Variants in ZAN observed in about 807,000 individuals in gnomAD.
ZAN encodes the protein zonadhesin, also known as zonadhesin (gene/pseudogene).
A neutral mutation model predicts 286.2 loss-of-function variants in ZAN; 260 were observed. The ratio of observed to expected loss-of-function variants is 0.91; its 90% confidence interval spans 0.82 to 1.01. ZAN has a LOEUF of 1.01. Among genes scored for constraint, ZAN ranks in the 50% least tolerant of loss-of-function variants. The pLI, the probability that ZAN is intolerant of heterozygous loss-of-function variation, is 0.00. For synonymous variants in ZAN, 1,368 were observed against 1,417.5 expected (o/e 0.97, Z 0.79); for missense variants, 3,410 against 3,639.2 (o/e 0.94, Z 1.62).
chr7:100,778,901 C>T (rs1811000431), intron 34 of ZAN, among the ~76,000 whole-genome samples: 2 of 152,076 alleles, frequency 1.3e-5, no homozygotes, highest in South Asian at 2.1e-4. Context: ...GTCATGGTGG[C>T]GGGTGCCTGT....
rs766977447 is a variant in ZAN, at chr7:100,758,263, G to A, written c.3371G>A (p.Arg1124Gln). ...CATTGCCGCTGCTGGCCCGGCAGTC[G>A]GGTCGAGTGCCAGATCTCTCAGTGT... ...TEHCRCWPGS[R>Q]VECQISQCGT... Residue 1124 changes from arginine to glutamine, a missense_variant, in exon 16 of 48, where the codon CGG (arginine) becomes CAG (glutamine). Arg to Gln is a conservative substitution (Grantham distance 43). This residue lies in a region of ZAN where 1,042 missense variants were observed against 1,058.0 expected (regional missense o/e 0.98). Coordinates refer to ENST00000613979, the MANE Select transcript of ZAN (RefSeq NM_003386.3). 1.2e-6 allele frequency: 2 copies of A among 1,613,262 alleles called. No individual in the cohort carries two copies. The highest frequency in any genetic ancestry group is 1.3e-5 in the African/African-American group (1 of 74,920).
In ZAN at chr7:100,783,805, C is replaced by CATATATATATATACACAT. The variant is rs1491186199; in HGVS notation, c.6623-807_6623-806insTACACATATATATATATA. On this transcript the variant is annotated intron_variant, in intron 35 of 47. Coordinates refer to ENST00000613979, the MANE Select transcript of ZAN (RefSeq NM_003386.3). ...ATATACACATATATATATATACACA[C>CATATATATATATACACAT]ATATATATATACATATATATATATG... 4.7e-3 allele frequency among the ~76,000 whole-genome samples: 107 copies of CATATATATATATACACAT among 22,694 alleles called. 9 individuals are homozygous for CATATATATATATACACAT. The highest frequency in any genetic ancestry group is 0.011 in the Non-Finnish European group (80 of 7,250). 14.9% of individuals were successfully genotyped at this position (22,694 alleles called of 152,430 possible). A position where few individuals can be genotyped will look rare whatever the true frequency, so the allele number is the denominator to read the frequency against.
intron 11 of ZAN, 119 bp downstream of exon 11, chr7:100,748,589 G>C: frequency 7.3e-7 from 1 of 1,369,262 alleles, no homozygotes; most frequent in Non-Finnish European, 9.8e-7. Context: ...CAGTCCACAG[G>C]TGTTTTTTCG....
At chr7:100,756,834 T>C (rs1809182694) in intron 15 of ZAN, among the ~76,000 whole-genome samples, 1 of 152,120 alleles carries the variant, frequency 6.6e-6, no homozygotes, top group Non-Finnish European at 1.5e-5. Flanking sequence ...AATGGTGCCA[T>C]CTCCGCTCAC....
At chr7:100,746,832 G>T in intron 8 of ZAN, 130 bp downstream of exon 8, 2 of 1,168,998 alleles carry the variant, frequency 1.7e-6, no homozygotes, top group Non-Finnish European at 2.4e-6. Flanking sequence ...ATTCCATGAA[G>T]TGGAAATCAT....
intron 20 of ZAN, 139 bp downstream of exon 20, chr7:100,762,497 C>T: frequency 1.7e-6 from 2 of 1,162,874 alleles, no homozygotes; most frequent in South Asian, 1.7e-5. Flanking sequence ...GCGATCTCAG[C>T]TCACTGCAAC....
At position 100,769,785 on chromosome 7, in the gene ZAN, G is replaced by A. The variant is rs1275607545; in HGVS notation, c.5154-95G>A. On this transcript the variant is annotated intron_variant, in intron 27 of 47. Coordinates refer to ENST00000613979, the MANE Select transcript of ZAN (RefSeq NM_003386.3). ...TGGTCTTGAACTTCTGGTCTCAAGCGATCCTCCTGCCTTGGCTTCCCAAAG... is the reference window on the plus strand; with the variant it reads ...TGGTCTTGAACTTCTGGTCTCAAGCAATCCTCCTGCCTTGGCTTCCCAAAG... 5.4e-6 allele frequency: 6 copies of A among 1,102,348 alleles called. No homozygotes were observed. In the African/African-American group the frequency reaches 6.3e-5, roughly 12 times the overall value. 68.3% of individuals were successfully genotyped at this position (1,102,348 alleles called of 1,614,324 possible).
In ZAN at chr7:100,762,266, T is replaced by A. The variant is rs375280260; in HGVS notation, c.3894T>A (p.Ser1298Arg). The change falls in exon 20 of 48, where the codon AGT becomes AGA. Residue 1298 changes from serine to arginine, a missense_variant. Ser to Arg is a moderately radical substitution (Grantham distance 110, BLOSUM62 -1). Transcript: ENST00000613979. ...CGLCGNYDGN[S>R]DNDHLKLDGS... The stretch of plus-strand genomic sequence containing the variant: ...TGTGTGGGAACTATGACGGCAACAG[T>A]GACAATGACCACCTGAAGTTGGACG... 12 of 1,613,428 alleles carry A rather than the reference T, an allele frequency of 7.4e-6. No homozygotes were observed. The African/African-American group carries it at 1.6e-4, about 22-fold the overall frequency.
At chr7:100,755,122 C>T in intron 14 of ZAN, 104 bp from the exon 15 acceptor site, 2 of 1,346,150 alleles carry the variant, frequency 1.5e-6, no homozygotes, top group South Asian at 2.8e-5. Flanking sequence ...TAATATGGTC[C>T]TGTTTCCTAG....
At chr7:100,744,079 C>T (rs1808008755) in intron 7 of ZAN, among the ~76,000 whole-genome samples, 1 of 150,684 alleles carries the variant, frequency 6.6e-6, no homozygotes, top group South Asian at 2.1e-4. Context: ...TCCTCCCTTC[C>T]ACTTTACCAT....
Position 100,763,869 on chromosome 7 carries a change from G to C in ZAN, c.4050G>C (p.Ser1350=). The C allele has an allele frequency of 6.2e-7, 1 of 1,614,036 alleles. No homozygotes were observed. Among genetic ancestry groups the C allele is most frequent in the Non-Finnish European group, 8.5e-7 (1 of 1,179,906 alleles). The part of the protein sequence containing the change: ...SCDSSLQSSM[S]GPGFCGRLVD... The stretch of plus-strand genomic sequence containing the variant: ...ATTCATCTCTGCAGAGCAGCATGTC[G>C]GGGCCAGGGTTCTGTGGACGGCTGG... Residue 1350 remains serine (S), a synonymous_variant, in exon 21 of 48, where the codon TCG becomes TCC. Coordinates refer to ENST00000613979, the MANE Select transcript of ZAN (RefSeq NM_003386.3). The surrounding 1 kb of genome is among the most constrained non-coding windows in gnomAD (Gnocchi z 4.6).
intron 22 of ZAN, among the ~76,000 whole-genome samples, chr7:100,765,136 GTCTA>G (rs1357100861): frequency 2.0e-5 from 3 of 152,170 alleles, no homozygotes; most frequent in African/African-American, 7.2e-5. Context: ...CCCACCATAG[GTCTA>G]TCTAAGTCTC....
At chr7:100,746,897 C>T (rs937960434) in intron 8 of ZAN, among the ~76,000 whole-genome samples, 195 bp downstream of exon 8, 3 of 152,026 alleles carry the variant, frequency 2.0e-5, no homozygotes, top group Admixed American at 6.6e-5. Context: ...GTCAGGAGAT[C>T]GAGACCATCC....
chr7:100,787,913 G>C lies in ZAN; in HGVS notation c.7004G>C (p.Gly2335Ala). Reference sequence around the variant, plus strand: ...GAGTCTGAACAATGCTCAGTCTATGGCGACCCCCGTTACCTCACATTTGAC... The same window carrying C: ...GAGTCTGAACAATGCTCAGTCTATGCCGACCCCCGTTACCTCACATTTGAC... ...SDKSEQCSVY[G>A]DPRYLTFDGF... Residue 2335 changes from glycine to alanine, a missense_variant, in exon 38 of 48, where the codon GGC becomes GCC. Around this residue, in one of 7 missense-constraint regions of ZAN, gnomAD observed 1,289 missense variants for 1,314.3 expected, o/e 0.98. Transcript: ENST00000613979. 6.5e-7 allele frequency: 1 copy of C among 1,544,456 alleles called. No individual in the cohort carries two copies. The highest frequency in any genetic ancestry group is 1.2e-5 in the South Asian group (1 of 83,028).
chr7:100,742,736 A>G (rs1475452609), intron 7 of ZAN, among the ~76,000 whole-genome samples: 1 of 64,322 alleles, frequency 1.6e-5, no homozygotes, highest in East Asian at 3.4e-4. Flanking sequence ...CGTGCCTGCA[A>G]TCGCAGGCAC....
chr7:100,759,858 C>A lies in ZAN; in HGVS notation c.3696+13C>A. ...CAGACGCACTCTGGTGAGCCCCATTCCACCCCCACCATCCTTGCAGGGTCT... is the reference window on the plus strand; with the variant it reads ...CAGACGCACTCTGGTGAGCCCCATTACACCCCCACCATCCTTGCAGGGTCT... On this transcript the variant is annotated intron_variant, in intron 18 of 47. Transcript: ENST00000613979. The A allele has an allele frequency of 6.2e-7, 1 of 1,610,674 alleles. No individual in the cohort carries two copies. Among genetic ancestry groups the A allele is most frequent in the Non-Finnish European group, 8.5e-7 (1 of 1,178,372 alleles).
chr7:100,795,157 C>T (rs759146710), intron 44 of ZAN, 39 bp from the exon 45 acceptor site: 6 of 1,587,050 alleles, frequency 3.8e-6, no homozygotes, highest in Non-Finnish European at 5.1e-6. Flanking sequence ...GGAGTGTCCT[C>T]CCAGGGCCCC....
chr7:100,784,587 C>A, intron 35 of ZAN, 36 bp from the exon 36 acceptor site: 1 of 1,607,396 alleles, frequency 6.2e-7, no homozygotes, highest in East Asian at 2.2e-5. Flanking sequence ...CCCCCTGTGA[C>A]CCTCTCCACT....
Position 100,738,871 on chromosome 7 carries a change from T to TCTTCTCCTTCTC in ZAN, c.766+265_766+266insTTCTCCTTCTCC, listed in dbSNP as rs764317072. 6.3e-3 allele frequency among the ~76,000 whole-genome samples: 150 copies of TCTTCTCCTTCTC among 23,704 alleles called. 29 individuals carry two copies. Among genetic ancestry groups the TCTTCTCCTTCTC allele is most frequent in the East Asian group, 0.018 (11 of 608 alleles). 15.6% of individuals were successfully genotyped at this position (23,704 alleles called of 152,430 possible). A position where few individuals can be genotyped will look rare whatever the true frequency, so the allele number is the denominator to read the frequency against. ...TTCTTCTTCTTTCTCTTCCTCTTCT[T>TCTTCTCCTTCTC]CTTCTCCCTCTCCCTCTCCCTCTCC... On this transcript the variant is annotated intron_variant, in intron 7 of 47. Transcript: ENST00000613979.
Sources: gnomAD v4.1 joint callset for allele counts (sites outside exome capture counted in the v4.1 genomes callset) on GRCh38, gnomAD v4.1.1 for gene constraint, gnomAD v4.1.1 regional missense constraint, Gnocchi (gnomAD v3.1) non-coding constraint, MANE v1.5 for transcripts, NCBI Gene and HGNC (gene_info 2026-07-23, HGNC 2026-07-21) for gene names.